MTHFSD: variants seen among roughly 807,000 people sequenced by gnomAD.
The protein encoded by MTHFSD is methenyltetrahydrofolate synthase domain-containing protein.
Under a neutral mutation model 31.1 loss-of-function variants are expected in MTHFSD, and 37 were observed. That is an observed-to-expected ratio of 1.19 (90% CI 0.91 to 1.56). The LOEUF is 1.56. Ranked by LOEUF, MTHFSD falls within the 40% of genes most tolerant of loss-of-function variation. The pLI is 0.00. For synonymous variants in MTHFSD, 221 were observed against 206.9 expected (o/e 1.07, Z -0.59); for missense variants, 664 against 510.1 (o/e 1.30, Z -2.91).
intron 7 of MTHFSD, chr16:86,533,595 C>T (rs962955908): frequency 6.6e-6 from 1 of 152,196 alleles, no homozygotes; most frequent in African/African-American, 2.4e-5. Flanking sequence ...AGTATCAATG[C>T]TCTCATTACA....
At position 86,542,127 on chromosome 16, in the gene MTHFSD, C is replaced by G. The variant is rs762393742; in HGVS notation, c.529G>C (p.Val177Leu). ...SMGAVSKETPVVTIVHDCQVV... is the reference protein window; with the variant it reads ...SMGAVSKETPLVTIVHDCQVV... ...TGGCAGTCGTGGACGATGGTGACCA[C>G]CGGCGTCTCCTTGCTGACGGCGCCC... The change falls in exon 6 of 8, where the codon GTG becomes CTG. Residue 177 changes from valine to leucine, a missense_variant. Coordinates refer to ENST00000360900, the MANE Select transcript of MTHFSD (RefSeq NM_001159377.2). This position sits in a 1 kb window ranked among gnomAD's most constrained non-coding sequence, Gnocchi z 4.6. 3 of 1,613,706 alleles carry G rather than the reference C, an allele frequency of 1.9e-6. No individual in the cohort carries two copies. Among genetic ancestry groups the G allele is most frequent in the Non-Finnish European group, 2.5e-6 (3 of 1,180,002 alleles).
chr16:86,554,860 C>T (rs548007726), intron 1 of MTHFSD, 109 bp from the exon 2 acceptor site: 15 of 1,093,358 alleles, frequency 1.4e-5, no homozygotes, highest in Non-Finnish European at 1.8e-5. Flanking sequence ...AACCGGCTTC[C>T]GATCCTGTTC....
Position 86,535,125 on chromosome 16 carries a change from C to A in MTHFSD, c.682-2644G>T, listed in dbSNP as rs565149398. On this transcript the variant is annotated intron_variant, in intron 7 of 7. Transcript: ENST00000360900. ...TATTCTGAGCCAGCAAATATACAATCGGCTGAAGAATAATGAAAACATCTT... is the reference window on the plus strand; with the variant it reads ...TATTCTGAGCCAGCAAATATACAATAGGCTGAAGAATAATGAAAACATCTT... The A allele has an allele frequency of 7.1e-6, 4 of 563,670 alleles. No individual in the cohort carries two copies. The South Asian group carries it at 2.3e-4, about 33-fold the overall frequency. 34.9% of individuals were successfully genotyped at this position (563,670 alleles called of 1,614,324 possible). A position where few individuals can be genotyped will look rare whatever the true frequency, so the allele number is the denominator to read the frequency against.
intron 2 of MTHFSD, among the ~76,000 whole-genome samples, chr16:86,552,740 C>A (rs894171061): frequency 6.6e-5 from 10 of 152,164 alleles, no homozygotes; most frequent in African/African-American, 1.9e-4. Flanking sequence ...CAACAAAAAA[C>A]CATCAAAAGA....
intron 4 of MTHFSD, chr16:86,547,186 C>T: frequency 1.0e-6 from 1 of 987,186 alleles, no homozygotes; most frequent in Non-Finnish European, 1.2e-6. Flanking sequence ...TCCTGAAGGC[C>T]ACTATCTTTA....
rs1973802800 is a variant in MTHFSD at position 86,554,672 on chromosome 16, A to T, written c.96T>A (p.Pro32=). The change falls in exon 2 of 8, where the codon CCT becomes CCA. Residue 32 remains proline, a synonymous_variant. Transcript: ENST00000360900. ...ESQNLADFPR[P]VHHRIPNFKG... ...TAAAGTTGGGTATCCTGTGATGAAC[A>T]GGTCGGGGAAAGTCAGCTAAATTTT... 4 of 1,614,198 alleles carry T rather than the reference A, an allele frequency of 2.5e-6. No individual in the cohort carries two copies. Among genetic ancestry groups the T allele is most frequent in the Non-Finnish European group, 3.4e-6 (4 of 1,180,002 alleles).
At position 86,531,854 on chromosome 16, in the gene MTHFSD, C is replaced by A; in HGVS notation, c.*157G>T. ...CCACTCACAGGAGGGCCTGGGCGTT[C>A]ACTGAGCGGTGACTTCTGAGAAGAA... On this transcript the variant is annotated 3_prime_UTR_variant, in exon 8 of 8. Coordinates refer to ENST00000360900, the MANE Select transcript of MTHFSD (RefSeq NM_001159377.2). This position sits in a 1 kb window ranked among gnomAD's most constrained non-coding sequence, Gnocchi z 5.5. 2 of 471,098 alleles carry A rather than the reference C, an allele frequency of 4.2e-6. No homozygotes were observed. The highest frequency in any genetic ancestry group is 8.0e-5 in the Admixed American group (2 of 25,078). The allele number at this position is 471,098 out of a possible 1,614,324, so 29.2% of individuals were successfully genotyped here. A position where few individuals can be genotyped will look rare whatever the true frequency, so the allele number is the denominator to read the frequency against.
chr16:86,552,018 G>A lies in MTHFSD; in HGVS notation c.237+15C>T, dbSNP rs903149832. The A allele has an allele frequency of 1.9e-6, 3 of 1,614,100 alleles. No homozygotes were observed. Among genetic ancestry groups the A allele is most frequent in the African/African-American group, 2.7e-5 (2 of 75,042 alleles). On this transcript the variant is annotated intron_variant, in intron 3 of 7. Transcript: ENST00000360900. Reference sequence around the variant, plus strand: ...GGCGGCCAGGTCTCGGCTCGGCTCAGGGAAGTGGAATTACCTGCAGCACCA... The same window carrying A: ...GGCGGCCAGGTCTCGGCTCGGCTCAAGGAAGTGGAATTACCTGCAGCACCA...
intron 3 of MTHFSD, among the ~76,000 whole-genome samples, chr16:86,549,875 G>A (rs2143820368): frequency 6.6e-6 from 1 of 152,360 alleles, no homozygotes; most frequent in South Asian, 2.1e-4. Flanking sequence ...ACAGGTCTGG[G>A]GTTGGGCCTG....
In MTHFSD at chr16:86,531,804, T is replaced by G. The variant is rs1483360775; in HGVS notation, c.*207A>C. 5 of 417,264 alleles carry G rather than the reference T, an allele frequency of 1.2e-5. No homozygotes were observed. Among genetic ancestry groups the G allele is most frequent in the Non-Finnish European group, 1.7e-5 (4 of 236,092 alleles). The allele number at this position is 417,264 out of a possible 1,614,324, so 25.8% of individuals were successfully genotyped here. A position where few individuals can be genotyped will look rare whatever the true frequency, so the allele number is the denominator to read the frequency against. ...GGGAGGCTGCAGTCTCTGCGCGCTG[T>G]GAGATGAACCGCAGGGCGGCTTCCC... On this transcript the variant is annotated 3_prime_UTR_variant, in exon 8 of 8. Coordinates refer to ENST00000360900, the MANE Select transcript of MTHFSD (RefSeq NM_001159377.2). This position sits in a 1 kb window ranked among gnomAD's most constrained non-coding sequence, Gnocchi z 5.5.
In MTHFSD at chr16:86,547,563, G is replaced by T. The variant is rs28682378; in HGVS notation, c.351+901C>A. Reference sequence around the variant, plus strand: ...CGCAGGGTCCACGGGGGCAGGCACTGACCAACTGCAAAGGAAGAGACGGCT... The same window carrying T: ...CGCAGGGTCCACGGGGGCAGGCACTTACCAACTGCAAAGGAAGAGACGGCT... On this transcript the variant is annotated intron_variant, in intron 4 of 7. Transcript: ENST00000360900. 1.4e-3 allele frequency: 1,432 copies of T among 988,228 alleles called. 20 individuals carry two copies. In the African/African-American group the frequency reaches 0.024, roughly 16 times the overall value. 61.2% of individuals were successfully genotyped at this position (988,228 alleles called of 1,614,324 possible). A position where few individuals can be genotyped will look rare whatever the true frequency, so the allele number is the denominator to read the frequency against.
chr16:86,545,033 A>G (rs1361487155), intron 5 of MTHFSD, among the ~76,000 whole-genome samples: 2 of 152,218 alleles, frequency 1.3e-5, no homozygotes, highest in East Asian at 1.9e-4. Flanking sequence ...AGGGAGGGGA[A>G]CAACACATAC....
chr16:86,547,740 G>C (rs1972541072), intron 4 of MTHFSD, among the ~76,000 whole-genome samples: 1 of 151,778 alleles, frequency 6.6e-6, no homozygotes, highest in Non-Finnish European at 1.5e-5. Context: ...GAATAAGCAG[G>C]GTGCTAATAA....
Position 86,531,765 on chromosome 16 carries a change from G to A in MTHFSD, c.*246C>T, listed in dbSNP as rs750983415. On this transcript the variant is annotated 3_prime_UTR_variant, in exon 8 of 8. Transcript: ENST00000360900. The surrounding 1 kb of genome is among the most constrained non-coding windows in gnomAD (Gnocchi z 5.5). ...AGAAACAGAAACCGACTCAAGGCCC[G>A]AGCCTGCACGATTGGGAGGCTGCAG... The A allele has an allele frequency of 6.7e-5, 24 of 359,692 alleles. No individual in the cohort carries two copies. Among genetic ancestry groups the A allele is most frequent in the South Asian group, 2.6e-4 (2 of 7,558 alleles). 22.3% of individuals were successfully genotyped at this position (359,692 alleles called of 1,614,324 possible).
intron 4 of MTHFSD, chr16:86,547,677 AT>A: frequency 4.4e-6 from 2 of 451,884 alleles, no homozygotes; most frequent in Non-Finnish European, 5.9e-6. Flanking sequence ...CTATATATAT[AT>A]TTTTTACTTT....
chr16:86,542,101 C>T lies in MTHFSD; in HGVS notation c.555G>A (p.Gln185=), dbSNP rs374545298. 4.3e-6 allele frequency: 7 copies of T among 1,612,952 alleles called. No individual in the cohort carries two copies. The African/African-American group carries it at 8.0e-5, about 18-fold the overall frequency. ...TGCTCAGCCCATTCATAAGGAGCAC[C>T]TGGCAGTCGTGGACGATGGTGACCA... ...TPVVTIVHDC[Q]VVDIPEELVE... Residue 185 remains glutamine (Q), a splice_region_variant and synonymous_variant, in exon 6 of 8, where the codon CAG becomes CAA. Transcript: ENST00000360900. The surrounding 1 kb of genome is among the most constrained non-coding windows in gnomAD (Gnocchi z 4.6).
At chr16:86,553,083 G>C (rs1282976589) in intron 2 of MTHFSD, among the ~76,000 whole-genome samples, 1 of 152,128 alleles carries the variant, frequency 6.6e-6, no homozygotes, top group Non-Finnish European at 1.5e-5. Context: ...CCTTAGGCTG[G>C]CAAGGCATTC....
At chr16:86,538,309 C>A (rs1230176020) in intron 7 of MTHFSD, among the ~76,000 whole-genome samples, 4 of 152,176 alleles carry the variant, frequency 2.6e-5, no homozygotes, top group African/African-American at 9.7e-5. Context: ...TTGGGCAGAA[C>A]AGAGCTTCCA....
intron 7 of MTHFSD, chr16:86,535,378 C>G: frequency 1.0e-6 from 1 of 985,398 alleles, no homozygotes; most frequent in Non-Finnish European, 1.2e-6. Context: ...ATGACCACGC[C>G]GATCCCTGCC....
Sources: gnomAD v4.1 joint callset for allele counts (sites outside exome capture counted in the v4.1 genomes callset) on GRCh38, gnomAD v4.1.1 for gene constraint, Gnocchi (gnomAD v3.1) non-coding constraint, MANE v1.5 for transcripts, NCBI Gene and HGNC (gene_info 2026-07-23, HGNC 2026-07-21) for gene names.